The following SMARCA2 variants were observed in gnomAD, a reference collection of about 807,000 sequenced individuals.
SMARCA2 encodes SWI/SNF-related matrix-associated actin-dependent regulator of chromatin subfamily A member 2.
In SMARCA2, 61 loss-of-function variants were observed where a neutral mutation model predicts 199.8. The observed-to-expected ratio is 0.31, with a 90% CI of 0.25 to 0.38. The LOEUF (loss-of-function observed/expected upper bound fraction) is 0.38. Ranked by LOEUF, SMARCA2 falls within the 10% of genes least tolerant of loss-of-function variation. The pLI is 1.00. For synonymous variants in SMARCA2, 935 were observed against 732.0 expected, an observed-to-expected ratio of 1.28 and a Z score of -4.48; for missense variants, 1,344 against 2,012.2, an observed-to-expected ratio of 0.67 and a Z score of 6.35.
intron 28 of SMARCA2, among the ~76,000 whole-genome samples, chr9:2,163,966 C>A (rs1362502120): frequency 6.6e-6 from 1 of 152,106 alleles, no homozygotes; most frequent in Non-Finnish European, 1.5e-5. Context: ...CCTCCCATCC[C>A]CCACCCTTTT....
At chr9:2,066,502 A>T (rs1320548618) in intron 9 of SMARCA2, among the ~76,000 whole-genome samples, 1 of 152,214 alleles carries the variant, frequency 6.6e-6, no homozygotes, top group Non-Finnish European at 1.5e-5. Context: ...TTGGGAACAC[A>T]CACTGTCTTT....
intron 6 of SMARCA2, among the ~76,000 whole-genome samples, 178 bp downstream of exon 6, chr9:2,054,901 C>T (rs1161609347): frequency 6.6e-6 from 1 of 152,176 alleles, no homozygotes; most frequent in Non-Finnish European, 1.5e-5. Context: ...TGAAGATGAA[C>T]TGCTTATTAT....
At position 2,017,255 on chromosome 9, in the gene SMARCA2, G is replaced by C. The variant is rs1818394983; in HGVS notation, c.-37+1851G>C. The C allele has an allele frequency of 6.6e-6, 1 of 151,260 alleles. No homozygotes were observed. The highest frequency in any genetic ancestry group is 6.6e-5 in the Admixed American group (1 of 15,178). 9.4% of individuals were successfully genotyped at this position (151,260 alleles called of 1,614,324 possible). ...TGCTTGGGGGGTGGGGTGGAGGGAA[G>C]TTGGACGTGGATCAGGCAGGAAAAA... On this transcript the variant is annotated intron_variant, in intron 1 of 33. Transcript: ENST00000349721. The surrounding 1 kb of genome is among the most constrained non-coding windows in gnomAD (Gnocchi z 8.8).
intron 3 of SMARCA2, among the ~76,000 whole-genome samples, chr9:2,035,672 A>G (rs1216095207): frequency 6.6e-6 from 1 of 152,210 alleles, no homozygotes; most frequent in Non-Finnish European, 1.5e-5. Context: ...AAGTTTGTGT[A>G]TTAAAGAGTC....
chr9:2,043,241 G>C (rs1416841200), intron 4 of SMARCA2: 1 of 152,112 alleles, frequency 6.6e-6, no homozygotes, highest in Non-Finnish European at 1.5e-5. Context: ...CCTCAAAGCT[G>C]CTCCAAACTT....
intron 27 of SMARCA2, among the ~76,000 whole-genome samples, chr9:2,152,399 C>G (rs1021216799): frequency 3.3e-5 from 5 of 151,810 alleles, no homozygotes; most frequent in African/African-American, 1.2e-4. Flanking sequence ...ACTGAAAATA[C>G]AAGATTAGCC....
intron 27 of SMARCA2, chr9:2,158,962 G>A (rs747117714): frequency 6.2e-7 from 1 of 1,612,090 alleles, no homozygotes; most frequent in South Asian, 1.1e-5. Flanking sequence ...TAAAACCTTA[G>A]TTTGAGGGGA....
chr9:2,049,128 T>C (rs1276353911), intron 5 of SMARCA2, among the ~76,000 whole-genome samples: 4 of 152,206 alleles, frequency 2.6e-5, no homozygotes, highest in Non-Finnish European at 5.9e-5. Flanking sequence ...TGAACTACCC[T>C]TAGAAGAGAG....
chr9:2,058,202 T>G, intron 7 of SMARCA2, 89 bp from the exon 8 acceptor site: 1 of 1,140,354 alleles, frequency 8.8e-7, no homozygotes, highest in African/African-American at 1.5e-5. Context: ...AAACACACAC[T>G]GAGAGTTTTC....
intron 30 of SMARCA2, 85 bp downstream of exon 30, chr9:2,181,761 C>T (rs1390471228): frequency 7.8e-6 from 6 of 772,732 alleles, no homozygotes; most frequent in Non-Finnish European, 1.4e-5. Context: ...TTGGAGCTGA[C>T]CGCCACTGAT....
chr9:2,067,366 A>G lies in SMARCA2; in HGVS notation c.1693-3052A>G, dbSNP rs148773676. On this transcript the variant is annotated intron_variant, in intron 9 of 33. Coordinates refer to ENST00000349721, the MANE Select transcript of SMARCA2 (RefSeq NM_003070.5). ...GATGCCCTTGTAGGTGTGGGAATGC[A>G]CCAGTGAACAAAACAGACAGAAATC... Among the ~76,000 whole-genome samples, 6 of 152,348 alleles carry G rather than the reference A, an allele frequency of 3.9e-5. No individual in the cohort carries two copies. The East Asian group carries it at 1.2e-3, about 29-fold the overall frequency.
At position 2,170,638 on chromosome 9, in the gene SMARCA2, T is replaced by C. The variant is rs972573183; in HGVS notation, c.4253+166T>C. On this transcript the variant is annotated intron_variant, in intron 29 of 33. Coordinates refer to ENST00000349721, the MANE Select transcript of SMARCA2 (RefSeq NM_003070.5). The surrounding 1 kb of genome is among the most constrained non-coding windows in gnomAD (Gnocchi z 4.7). The stretch of plus-strand genomic sequence containing the variant: ...AGGCACAGATACTCTTAAACAGCTG[T>C]CATGGCTTCTGAAGTTGTTGGTGCT... Among the ~76,000 whole-genome samples, 1 of 152,218 alleles carries C rather than the reference T, an allele frequency of 6.6e-6. No homozygotes were observed. The highest frequency in any genetic ancestry group is 1.5e-5 in the Non-Finnish European group (1 of 68,042).
At chr9:2,105,766 C>T (rs1189931105) in intron 23 of SMARCA2, among the ~76,000 whole-genome samples, 1 of 152,184 alleles carries the variant, frequency 6.6e-6, no homozygotes, top group Non-Finnish European at 1.5e-5. Context: ...ACCTGCTGCT[C>T]AAGTGAGGGG....
At chr9:2,077,505 G>A (rs1457518786) in intron 13 of SMARCA2, 124 bp from the exon 14 acceptor site, 8 of 882,168 alleles carry the variant, frequency 9.1e-6, no homozygotes, top group African/African-American at 8.3e-5. Flanking sequence ...ATGGCAAGTC[G>A]TGGTTGATAA....
intron 25 of SMARCA2, among the ~76,000 whole-genome samples, chr9:2,117,635 G>A (rs534121919): frequency 3.3e-5 from 5 of 152,192 alleles, no homozygotes; most frequent in Non-Finnish European, 5.9e-5. Flanking sequence ...TGTGAAAATA[G>A]TACCTGATCT....
In SMARCA2 at chr9:2,060,967, A is replaced by AGAG. The variant is rs754525705; in HGVS notation, c.1685_1687dup (p.Arg562dup). On this transcript the variant is annotated inframe_insertion, in exon 9 of 34. Coordinates refer to ENST00000349721, the MANE Select transcript of SMARCA2 (RefSeq NM_003070.5). The stretch of plus-strand genomic sequence containing the variant: ...GCCCAGGCAGCCAAAGAGAAGAAGA[A>AGAG]GAGGAGGAGGAGGAAGAAGGTGCGT... The AGAG allele has an allele frequency of 3.1e-6, 5 of 1,613,892 alleles. No individual in the cohort carries two copies. Among genetic ancestry groups the AGAG allele is most frequent in the Admixed American group, 3.3e-5 (2 of 60,012 alleles).
In SMARCA2 at chr9:2,182,808, T is replaced by A. The variant is rs1009527174; in HGVS notation, c.4461+566T>A. On this transcript the variant is annotated intron_variant, in intron 31 of 33. Transcript: ENST00000349721. The stretch of plus-strand genomic sequence containing the variant: ...CCACACCCGGCCTCAAAGCATATAT[T>A]TTTTTTTCGAGATGGAGTCTCGCCC... 5.4e-5 allele frequency among the ~76,000 whole-genome samples: 8 copies of A among 148,608 alleles called. No homozygotes were observed. In the South Asian group the frequency reaches 1.1e-3, roughly 20 times the overall value.
intron 2 of SMARCA2, among the ~76,000 whole-genome samples, chr9:2,031,765 C>T (rs1160258905): frequency 3.3e-5 from 5 of 152,188 alleles, no homozygotes; most frequent in Admixed American, 6.5e-5. Flanking sequence ...CGTGAGGACA[C>T]GGGTGAGGGT....
intron 1 of SMARCA2, among the ~76,000 whole-genome samples, chr9:2,028,735 C>T (rs1350171557): frequency 6.6e-6 from 1 of 152,028 alleles, no homozygotes; most frequent in Non-Finnish European, 1.5e-5. Flanking sequence ...CCAGTGAGTC[C>T]TTTTGTATCT....
Sources: gnomAD v4.1 joint callset for allele counts (sites outside exome capture counted in the v4.1 genomes callset) on GRCh38, gnomAD v4.1.1 for gene constraint, Gnocchi (gnomAD v3.1) non-coding constraint, MANE v1.5 for transcripts, NCBI Gene and HGNC (gene_info 2026-07-23, HGNC 2026-07-21) for gene names.